HDAC9: variants seen among roughly 807,000 people sequenced by gnomAD.
The protein encoded by HDAC9 is histone deacetylase 9.
A neutral mutation model predicts 139.4 loss-of-function variants in HDAC9; 41 were observed. That is an observed-to-expected ratio of 0.29 (90% CI 0.23 to 0.38). The LOEUF is 0.38. Ranked by LOEUF, HDAC9 falls within the 10% of genes least tolerant of loss-of-function variation. The pLI is 1.00. For missense variants in HDAC9, 1,147 were observed against 1,297.0 expected, an observed-to-expected ratio of 0.88 and a Z score of 1.78; for synonymous variants, 517 against 476.2, an observed-to-expected ratio of 1.09 and a Z score of -1.12.
intron 2 of HDAC9, among the ~76,000 whole-genome samples, chr7:18,221,296 G>C (rs1792686817): frequency 6.6e-6 from 1 of 151,808 alleles, no homozygotes; most frequent in African/African-American, 2.4e-5. Context: ...GTAGAGATGG[G>C]GTTTTACCAT....
At position 18,364,581 on chromosome 7, in the gene HDAC9, G is replaced by A. The variant is rs151099419; in HGVS notation, c.-42+74066G>A. Among the ~76,000 whole-genome samples, 1,324 of 151,984 alleles carry A rather than the reference G, an allele frequency of 8.7e-3. 19 individuals are homozygous for A. The highest frequency in any genetic ancestry group is 0.03 in the African/African-American group (1,249 of 41,452). On this transcript the variant is annotated intron_variant, in intron 1 of 3. Transcript: ENST00000413509. Reference sequence around the variant, plus strand: ...GAATGGCTCCTGGACCAGCAGCATGGGCACCCTGGAAGCTTTCCAGAAATT... The same window carrying A: ...GAATGGCTCCTGGACCAGCAGCATGAGCACCCTGGAAGCTTTCCAGAAATT...
At chr7:18,873,206 G>GA (rs1738556279) in intron 21 of HDAC9, among the ~76,000 whole-genome samples, 1 of 151,998 alleles carries the variant, frequency 6.6e-6, no homozygotes. Context: ...TTGTATTGAA[G>GA]AAAAAACATA....
At chr7:18,953,806 C>A (rs185871883) in intron 23 of HDAC9, among the ~76,000 whole-genome samples, 69 of 152,170 alleles carry the variant, frequency 4.5e-4, no homozygotes, top group Non-Finnish European at 8.4e-4. Context: ...CAGGGCCCAG[C>A]TGCATATACA....
intron 1 of HDAC9, among the ~76,000 whole-genome samples, chr7:18,137,849 TC>T (rs1439816366): frequency 1.1e-4 from 17 of 152,304 alleles, no homozygotes; most frequent in African/African-American, 3.8e-4. Context: ...TCCCTCTTTT[TC>T]TATTGATCGG....
rs149293000 is a variant in HDAC9 at position 18,763,700 on chromosome 7, C to A, written c.2164+1423C>A. Among the ~76,000 whole-genome samples, 712 of 152,056 alleles carry A rather than the reference C, an allele frequency of 4.7e-3. 6 individuals are homozygous for A. Among genetic ancestry groups the A allele is most frequent in the Non-Finnish European group, 6.0e-3 (406 of 67,948 alleles). ...AACTAACCAACAAGATGAAGTAAAC[C>A]AGACATTTTAATTGTCATGATTTTA... On this transcript the variant is annotated intron_variant, in intron 15 of 25. Transcript: ENST00000686413.
At chr7:18,585,187 C>T in intron 2 of HDAC9, 94 bp from the exon 3 acceptor site, 1 of 1,413,906 alleles carries the variant, frequency 7.1e-7, no homozygotes, top group East Asian at 2.3e-5. Flanking sequence ...TGTACAGGGT[C>T]TTATACTTTT....
chr7:18,272,057 G>A (rs556342489), intron 2 of HDAC9, among the ~76,000 whole-genome samples: 1 of 152,108 alleles, frequency 6.6e-6, no homozygotes, highest in Non-Finnish European at 1.5e-5. Context: ...CATCACCAAT[G>A]TACTGATTTG....
intron 2 of HDAC9, among the ~76,000 whole-genome samples, chr7:18,187,427 AATTC>A (rs1270048838): frequency 1.8e-4 from 27 of 152,108 alleles, no homozygotes; most frequent in Admixed American, 1.8e-3. Context: ...TTTATTTGTT[AATTC>A]ATTTATTCAT....
At chr7:18,713,283 C>G (rs926224295) in intron 12 of HDAC9, among the ~76,000 whole-genome samples, 1 of 152,098 alleles carries the variant, frequency 6.6e-6, no homozygotes, top group Non-Finnish European at 1.5e-5. Flanking sequence ...AATTATTAAA[C>G]AGTGTTGTTA....
intron 13 of HDAC9, among the ~76,000 whole-genome samples, chr7:18,747,090 A>C (rs1369015697): frequency 3.3e-5 from 5 of 152,114 alleles, no homozygotes; most frequent in Admixed American, 2.0e-4. Flanking sequence ...GGCTGCTAGG[A>C]TTTTGATCTT....
At chr7:18,960,700 C>T (rs748732645) in intron 24 of HDAC9, among the ~76,000 whole-genome samples, 5 of 151,938 alleles carry the variant, frequency 3.3e-5, no homozygotes, top group South Asian at 2.1e-4. Flanking sequence ...AAAATAAGAC[C>T]GTATTTTATG....
rs888669029 is a variant in HDAC9, at chr7:18,727,658, G to C, written c.1810G>C (p.Glu604Gln). Residue 604 changes from glutamate to glutamine, a missense_variant, in exon 13 of 26, where the codon GAG becomes CAG. By Grantham distance (29) the Glu-to-Gln change is conservative (BLOSUM62 2). This residue lies in a region of HDAC9 where 256 missense variants were observed against 219.2 expected (regional missense o/e 1.17). Coordinates refer to ENST00000686413, the MANE Select transcript of HDAC9 (RefSeq NM_178425.4). Reference sequence around the variant, plus strand: ...GGCTGCGGTTGGCATGGATGGATTAGAGAAACACCGTCTCGTCTCCAGGAC... The same window carrying C: ...GGCTGCGGTTGGCATGGATGGATTACAGAAACACCGTCTCGTCTCCAGGAC... Reference protein sequence around the residue: ...PLAAVGMDGLEKHRLVSRTHS... With the variant: ...PLAAVGMDGLQKHRLVSRTHS... 1 of 1,592,600 alleles carries C rather than the reference G, an allele frequency of 6.3e-7. No individual in the cohort carries two copies. The highest frequency in any genetic ancestry group is 8.5e-7 in the Non-Finnish European group (1 of 1,172,462).
intron 2 of HDAC9, among the ~76,000 whole-genome samples, chr7:18,528,572 T>C (rs1216333148): frequency 6.6e-6 from 1 of 152,266 alleles, no homozygotes; most frequent in Non-Finnish European, 1.5e-5. Flanking sequence ...CATTAAAAAT[T>C]ACTTAGCAAA....
Position 18,666,254 on chromosome 7 carries a change from TCACCTTGAG to T in HDAC9, c.1510_1518del (p.His504_Glu506del). 6.2e-7 allele frequency: 1 copy of T among 1,613,216 alleles called. No individual in the cohort carries two copies. The highest frequency in any genetic ancestry group is 8.5e-7 in the Non-Finnish European group (1 of 1,179,452). On this transcript the variant is annotated inframe_deletion, in exon 12 of 26. Coordinates refer to ENST00000686413, the MANE Select transcript of HDAC9 (RefSeq NM_178425.4). ...TTGAACAACTGAAGCAACCAGGCAG[TCACCTTGAG>T]GAAGCAGAGGAAGAGCTTCAGGGGG...
intron 1 of HDAC9, among the ~76,000 whole-genome samples, chr7:18,355,263 C>A (rs1030689407): frequency 2.0e-5 from 3 of 152,022 alleles, no homozygotes; most frequent in African/African-American, 7.3e-5. Flanking sequence ...CAGGGTTACA[C>A]AGAAATTCAA....
At chr7:18,897,130 GA>G (rs895739161) in intron 22 of HDAC9, among the ~76,000 whole-genome samples, 20 of 151,022 alleles carry the variant, frequency 1.3e-4, no homozygotes, top group African/African-American at 2.9e-4. Flanking sequence ...TTTAAAAATA[GA>G]AAAAAAATTT....
At chr7:18,496,404 C>G (rs916611398) in intron 2 of HDAC9, 80 bp downstream of exon 2, 1 of 1,255,846 alleles carries the variant, frequency 8.0e-7, no homozygotes, top group Non-Finnish European at 1.1e-6. Context: ...AAAAGCACCT[C>G]TCTTAAGGAA....
At chr7:18,100,405 C>T (rs577390241) in intron 1 of HDAC9, among the ~76,000 whole-genome samples, 5 of 152,152 alleles carry the variant, frequency 3.3e-5, no homozygotes, top group Admixed American at 1.3e-4. Context: ...GGAGTCCCTC[C>T]TCTTTTTTCT....
intron 1 of HDAC9, among the ~76,000 whole-genome samples, chr7:18,448,271 A>G (rs1172792893): frequency 6.6e-6 from 1 of 152,348 alleles, no homozygotes; most frequent in Middle Eastern, 3.4e-3. Context: ...TAGCTACATG[A>G]AGCCAACTAA....
Sources: gnomAD v4.1 joint callset for allele counts (sites outside exome capture counted in the v4.1 genomes callset) on GRCh38, gnomAD v4.1.1 for gene constraint, gnomAD v4.1.1 regional missense constraint, MANE v1.5 for transcripts, NCBI Gene and HGNC (gene_info 2026-07-23, HGNC 2026-07-21) for gene names.